PTK2: variants seen among roughly 807,000 people sequenced by gnomAD.
The protein encoded by PTK2 is protein tyrosine kinase 2.
In PTK2, 45 loss-of-function variants were observed where a neutral mutation model predicts 150.1. That is an observed-to-expected ratio of 0.30 (90% confidence interval 0.24 to 0.38). The LOEUF (loss-of-function observed/expected upper bound fraction) is 0.38, where lower values mean the gene tolerates loss of function less well. Ranked by LOEUF, PTK2 falls within the 10% of genes least tolerant of loss-of-function variation. PTK2 has a pLI of 1.00. For synonymous variants in PTK2, 432 were observed against 449.2 expected (o/e 0.96, Z 0.48); for missense variants, 919 against 1,307.3 (o/e 0.70, Z 4.58).
At chr8:140,660,517 A>C (rs1250869690) in intron 31 of PTK2, 1 of 432,690 alleles carries the variant, frequency 2.3e-6, no homozygotes, top group East Asian at 7.2e-5. Context: ...TGAGCTCAAA[A>C]GTTTGAGGCC....
chr8:140,743,944 A>AT (rs1476166273), intron 19 of PTK2, among the ~76,000 whole-genome samples: 3 of 151,586 alleles, frequency 2.0e-5, no homozygotes, highest in African/African-American at 7.3e-5. Flanking sequence ...TGCCCAGCTA[A>AT]TTTTTTGTAT....
At chr8:140,767,024 T>C (rs1052624521) in intron 14 of PTK2, among the ~76,000 whole-genome samples, 1 of 152,190 alleles carries the variant, frequency 6.6e-6, no homozygotes, top group African/African-American at 2.4e-5. Context: ...CAGTTGAGGA[T>C]TTAGGATTCC....
At chr8:140,811,561 T>C (rs1182241948) in intron 10 of PTK2, among the ~76,000 whole-genome samples, 3 of 152,020 alleles carry the variant, frequency 2.0e-5, no homozygotes, top group Non-Finnish European at 4.4e-5. Context: ...CTGAACTGGG[T>C]TGAGATGGCT....
At chr8:140,959,769 G>T (rs182301319) in intron 1 of PTK2, among the ~76,000 whole-genome samples, 17 of 152,048 alleles carry the variant, frequency 1.1e-4, no homozygotes, top group African/African-American at 4.1e-4. Flanking sequence ...AAGGTTGGAG[G>T]ACAGCCTGAG....
At chr8:140,716,512 G>A (rs2100039794) in intron 23 of PTK2, among the ~76,000 whole-genome samples, 1 of 152,146 alleles carries the variant, frequency 6.6e-6, no homozygotes, top group Admixed American at 6.5e-5. Flanking sequence ...TCTCTGTAGA[G>A]GGGGCTGGTC....
chr8:140,957,744 C>A (rs943340319), intron 1 of PTK2, among the ~76,000 whole-genome samples: 2 of 152,190 alleles, frequency 1.3e-5, no homozygotes, highest in African/African-American at 4.8e-5. Context: ...CACTGTGTTA[C>A]AACTGCCTAC....
rs2100179811 is a variant in PTK2, at chr8:140,952,375, G to C, written c.-121-26626C>G. ...TTCTCACACTGTAACAATCACATCT[G>C]GCACAGCACAAGGGACAGAATAGGC... On this transcript the variant is annotated intron_variant, in intron 1 of 31. Coordinates refer to ENST00000522684, the Ensembl canonical transcript of PTK2. 2.6e-5 allele frequency among the ~76,000 whole-genome samples: 4 copies of C among 152,156 alleles called. No individual in the cohort carries two copies. In the South Asian group the frequency reaches 8.3e-4, roughly 32 times the overall value.
At chr8:140,957,998 T>C (rs1313215103) in intron 1 of PTK2, among the ~76,000 whole-genome samples, 2 of 152,220 alleles carry the variant, frequency 1.3e-5, no homozygotes, top group Non-Finnish European at 2.9e-5. Flanking sequence ...TTATCTCTCA[T>C]GAAATAGCAA....
chr8:140,675,939 C>A (rs1049505798), intron 27 of PTK2, among the ~76,000 whole-genome samples: 2 of 152,178 alleles, frequency 1.3e-5, no homozygotes, highest in Non-Finnish European at 2.9e-5. Flanking sequence ...ATCATTGTAT[C>A]AAAAAGATAC....
chr8:140,748,821 T>G (rs1206765048), intron 17 of PTK2, among the ~76,000 whole-genome samples: 1 of 152,166 alleles, frequency 6.6e-6, no homozygotes, highest in Non-Finnish European at 1.5e-5. Context: ...CAGGACAGAC[T>G]TCACAGAACT....
chr8:140,934,158 T>G (rs969793934), intron 1 of PTK2, among the ~76,000 whole-genome samples: 1 of 152,216 alleles, frequency 6.6e-6, no homozygotes, highest in Non-Finnish European at 1.5e-5. Flanking sequence ...TAATAAATCA[T>G]TGGTCTAAAA....
intron 7 of PTK2, among the ~76,000 whole-genome samples, chr8:140,832,228 T>C (rs2100115863): frequency 6.6e-6 from 1 of 152,144 alleles, no homozygotes; most frequent in African/African-American, 2.4e-5. Flanking sequence ...CTATTTTTTG[T>C]ATTTTTAGTA....
chr8:140,660,110 G>C (rs1335455879), intron 31 of PTK2, among the ~76,000 whole-genome samples: 3 of 152,020 alleles, frequency 2.0e-5, no homozygotes, highest in Non-Finnish European at 4.4e-5. Flanking sequence ...CCAGCATCTT[G>C]TTCCTTCCAT....
chr8:140,966,654 A>C (rs2100185422), intron 1 of PTK2, among the ~76,000 whole-genome samples: 1 of 152,220 alleles, frequency 6.6e-6, no homozygotes, highest in Non-Finnish European at 1.5e-5. Flanking sequence ...AAAAGTCTTA[A>C]ATTCTTTTTC....
At chr8:140,961,207 G>A (rs1012529234) in intron 1 of PTK2, among the ~76,000 whole-genome samples, 1 of 152,106 alleles carries the variant, frequency 6.6e-6, no homozygotes, top group African/African-American at 2.4e-5. Context: ...ACCACACTTT[G>A]CTAAGCTTAT....
chr8:140,852,900 A>G (rs937928513), intron 5 of PTK2, among the ~76,000 whole-genome samples: 25 of 152,204 alleles, frequency 1.6e-4, no homozygotes, highest in East Asian at 5.8e-4. Context: ...TCTCTTAGAA[A>G]CTAAACCCCT....
At chr8:140,953,542 G>C (rs2100180202) in intron 1 of PTK2, among the ~76,000 whole-genome samples, 1 of 152,230 alleles carries the variant, frequency 6.6e-6, no homozygotes, top group African/African-American at 2.4e-5. Context: ...AGGTGGGATA[G>C]GGCGGGACAG....
intron 1 of PTK2, among the ~76,000 whole-genome samples, chr8:140,971,362 T>C (rs935328619): frequency 6.6e-6 from 1 of 152,244 alleles, no homozygotes; most frequent in Non-Finnish European, 1.5e-5. Context: ...GTGAACTTCA[T>C]TAGCTCTTGT....
chr8:140,784,184 T>C (rs1382877959), intron 14 of PTK2, among the ~76,000 whole-genome samples: 5 of 152,178 alleles, frequency 3.3e-5, no homozygotes, highest in African/African-American at 4.8e-5. Context: ...AGTAGTATAA[T>C]TGCCCTTTAG....
Sources: allele counts gnomAD v4.1 joint callset (sites outside exome capture counted in the v4.1 genomes callset), GRCh38; gene constraint gnomAD v4.1.1; transcripts MANE v1.5; gene names NCBI Gene and HGNC (gene_info 2026-07-23, HGNC 2026-07-21).